Variants in RNF150 observed in about 807,000 individuals in gnomAD.
The protein encoded by RNF150 is ring finger protein 150.
RNF150 carries 24 observed loss-of-function variants against 39.3 expected under a neutral mutation model. The ratio of observed to expected loss-of-function variants is 0.61; its 90% CI spans 0.44 to 0.86. The LOEUF (loss-of-function observed/expected upper bound fraction) is 0.86, where lower values mean the gene tolerates loss of function less well. Among genes scored for constraint, RNF150 ranks in the 40% least tolerant of loss-of-function variants. The pLI is 0.00. For missense variants in RNF150, 502 were observed against 587.8 expected, an observed-to-expected ratio of 0.85 and a Z score of 1.51; for synonymous variants, 255 against 227.3, an observed-to-expected ratio of 1.12 and a Z score of -1.10.
intron 1 of RNF150, among the ~76,000 whole-genome samples, chr4:141,100,298 T>C (rs1259389836): frequency 6.6e-6 from 1 of 152,094 alleles, no homozygotes; most frequent in Non-Finnish European, 1.5e-5. Flanking sequence ...CCAGGAAGAG[T>C]TAAATATATA....
At chr4:141,168,617 A>C (rs1721636687) in intron 1 of RNF150, among the ~76,000 whole-genome samples, 1 of 152,226 alleles carries the variant, frequency 6.6e-6, no homozygotes, top group Non-Finnish European at 1.5e-5. Context: ...TGTAGGCATA[A>C]AACTAGATGA....
chr4:141,073,667 G>GGGT (rs1553944082), intron 1 of RNF150, among the ~76,000 whole-genome samples: 2 of 53,294 alleles, frequency 3.8e-5, no homozygotes, highest in Non-Finnish European at 1.7e-4. Flanking sequence ...CAAGCTCGGG[G>GGGT]GGGGAAGTCT....
At chr4:141,174,113 C>T (rs900661211) in intron 1 of RNF150, among the ~76,000 whole-genome samples, 1 of 152,186 alleles carries the variant, frequency 6.6e-6, no homozygotes, top group African/African-American at 2.4e-5. Context: ...GTTATTTGGG[C>T]ATATGCTACC....
chr4:141,116,102 A>T (rs1345716812), intron 1 of RNF150, among the ~76,000 whole-genome samples: 1 of 152,232 alleles, frequency 6.6e-6, no homozygotes, highest in African/African-American at 2.4e-5. Context: ...CATGACTAAA[A>T]CACCAAAAGC....
rs1728589646 is a variant in RNF150, at chr4:140,863,827, G to C, written c.*4434C>G. The C allele has an allele frequency of 6.7e-6, 1 of 149,354 alleles. No individual in the cohort carries two copies. The highest frequency in any genetic ancestry group is 1.5e-5 in the Non-Finnish European group (1 of 66,770). 9.3% of individuals were successfully genotyped at this position (149,354 alleles called of 1,614,324 possible). ...TAGCCCAGATTTTTTGAAAAGTTTT[G>C]ATTTAAGGATTTTTTTTTAAGTCAG... On this transcript the variant is annotated 3_prime_UTR_variant, in exon 7 of 7. Transcript: ENST00000515673.
intron 4 of RNF150, among the ~76,000 whole-genome samples, chr4:140,931,310 G>T (rs1467833761): frequency 4.8e-5 from 1 of 20,972 alleles, no homozygotes; most frequent in East Asian, 1.4e-3. Flanking sequence ...AGAACTAAGG[G>T]CAAAAAAGAA....
At chr4:140,897,675 T>C (rs1270703152) in intron 6 of RNF150, among the ~76,000 whole-genome samples, 1 of 152,208 alleles carries the variant, frequency 6.6e-6, no homozygotes, top group East Asian at 1.9e-4. Context: ...ATAAAATATG[T>C]AAAGCTCTCT....
At chr4:141,075,730 C>A (rs1737871070) in intron 1 of RNF150, among the ~76,000 whole-genome samples, 1 of 152,110 alleles carries the variant, frequency 6.6e-6, no homozygotes, top group Non-Finnish European at 1.5e-5. Flanking sequence ...CTTGTACTTA[C>A]TAAAATTGCT....
intron 1 of RNF150, among the ~76,000 whole-genome samples, chr4:141,146,313 C>T (rs1356264429): frequency 1.3e-5 from 2 of 152,152 alleles, no homozygotes; most frequent in African/African-American, 4.8e-5. Flanking sequence ...CAGATTGAAA[C>T]CTTCTTCAAC....
chr4:140,927,488 C>T (rs1419924498), intron 4 of RNF150, among the ~76,000 whole-genome samples: 2 of 152,082 alleles, frequency 1.3e-5, no homozygotes, highest in African/African-American at 4.8e-5. Flanking sequence ...CTCCCCACCC[C>T]GCTTCCTTCT....
At chr4:141,099,792 T>TA (rs951059561) in intron 1 of RNF150, among the ~76,000 whole-genome samples, 257 of 146,288 alleles carry the variant, frequency 1.8e-3, no homozygotes, top group African/African-American at 5.1e-3. Context: ...GTTATATATA[T>TA]AAAAAAAAAA....
At chr4:140,928,990 G>A (rs913605878) in intron 4 of RNF150, among the ~76,000 whole-genome samples, 6 of 152,028 alleles carry the variant, frequency 3.9e-5, no homozygotes, top group Non-Finnish European at 4.4e-5. Context: ...TTGCATCCTG[G>A]CAACCCCAGT....
At position 140,862,239 on chromosome 4, in the gene RNF150, T is replaced by C. The variant is rs1161711273; in HGVS notation, c.*6022A>G. On this transcript the variant is annotated 3_prime_UTR_variant, in exon 7 of 7. Transcript: ENST00000515673. The stretch of plus-strand genomic sequence containing the variant: ...CTGTGTTCAGACATTGCAGACCTCT[T>C]AATAGACGTGTATATTTTTGTCTTA... The C allele has an allele frequency of 2.6e-5, 4 of 152,218 alleles. No homozygotes were observed. Among genetic ancestry groups the C allele is most frequent in the Non-Finnish European group, 4.4e-5 (3 of 68,050 alleles). The allele number at this position is 152,218 out of a possible 1,614,324, so 9.4% of individuals were successfully genotyped here.
At chr4:141,040,971 G>C (rs559140964) in intron 1 of RNF150, among the ~76,000 whole-genome samples, 18 of 152,162 alleles carry the variant, frequency 1.2e-4, no homozygotes, top group African/African-American at 4.1e-4. Context: ...ATGTGTGCCT[G>C]GTTGAGAAAA....
chr4:141,087,962 C>T (rs1053700219), intron 1 of RNF150, among the ~76,000 whole-genome samples: 11 of 152,042 alleles, frequency 7.2e-5, no homozygotes, highest in African/African-American at 2.7e-4. Flanking sequence ...AGGACATGTG[C>T]CTGCCCTTTA....
At chr4:141,125,015 A>G (rs1191783691) in intron 1 of RNF150, among the ~76,000 whole-genome samples, 1 of 152,228 alleles carries the variant, frequency 6.6e-6, no homozygotes, top group South Asian at 2.1e-4. Context: ...ATACCACTAT[A>G]TATTATGGAA....
intron 1 of RNF150, among the ~76,000 whole-genome samples, chr4:141,155,252 A>ATTTTTTT (rs70946798): frequency 9.5e-5 from 12 of 126,414 alleles, no homozygotes; most frequent in Non-Finnish European, 9.7e-5. Flanking sequence ...CACCCGGCTG[A>ATTTTTTT]TTTTTTTTTT....
At chr4:141,204,208 T>A (rs1230669461) in intron 1 of RNF150, among the ~76,000 whole-genome samples, 1 of 152,102 alleles carries the variant, frequency 6.6e-6, no homozygotes, top group African/African-American at 2.4e-5. Context: ...GCAGATGTGA[T>A]CAGAAGCAGG....
At chr4:141,175,835 G>T (rs745458405) in intron 1 of RNF150, among the ~76,000 whole-genome samples, 25 of 152,240 alleles carry the variant, frequency 1.6e-4, no homozygotes, top group Admixed American at 3.9e-4. Flanking sequence ...ACTTTTTGTT[G>T]TATACTCTTG....
Sources: allele counts gnomAD v4.1 joint callset (sites outside exome capture counted in the v4.1 genomes callset), GRCh38; gene constraint gnomAD v4.1.1; transcripts MANE v1.5; gene names NCBI Gene and HGNC (gene_info 2026-07-23, HGNC 2026-07-21).